Variants in NKAIN3 observed in about 807,000 individuals in gnomAD.
The protein encoded by NKAIN3 is sodium/potassium-transporting ATPase subunit beta-1-interacting protein 3.
In NKAIN3, 25 loss-of-function variants were observed where a neutral mutation model predicts 30.2. The ratio of observed to expected loss-of-function variants is 0.83; its 90% confidence interval spans 0.60 to 1.16. The LOEUF (loss-of-function observed/expected upper bound fraction) is 1.16, where lower values mean the gene tolerates loss of function less well. Among genes scored for constraint, NKAIN3 ranks in the 50% most tolerant of loss-of-function variants. The pLI, the probability that NKAIN3 is intolerant of heterozygous loss-of-function variation, is 0.00. For synonymous variants in NKAIN3, 91 were observed against 89.6 expected, an observed-to-expected ratio of 1.02 and a Z score of -0.09; for missense variants, 225 against 254.1, an observed-to-expected ratio of 0.89 and a Z score of 0.78.
chr8:62,525,200 A>AT (rs1215257634), intron 1 of NKAIN3, among the ~76,000 whole-genome samples: 2 of 152,108 alleles, frequency 1.3e-5, no homozygotes, highest in African/African-American at 4.8e-5. Flanking sequence ...AGCTGATTAC[A>AT]TTTTTTTCAA....
At chr8:62,812,550 G>T (rs1182070140) in intron 4 of NKAIN3, among the ~76,000 whole-genome samples, 1 of 151,594 alleles carries the variant, frequency 6.6e-6, no homozygotes, top group Non-Finnish European at 1.5e-5. Context: ...TTCTGTATAT[G>T]ATTCTGTGCA....
chr8:62,739,849 C>G (rs762002483), intron 3 of NKAIN3, among the ~76,000 whole-genome samples: 9 of 152,136 alleles, frequency 5.9e-5, no homozygotes, highest in Non-Finnish European at 1.0e-4. Flanking sequence ...AATCTGTAGG[C>G]TGCTCTTTAT....
At chr8:62,887,498 C>T (rs1295126336) in intron 4 of NKAIN3, among the ~76,000 whole-genome samples, 1 of 152,114 alleles carries the variant, frequency 6.6e-6, no homozygotes, top group Non-Finnish European at 1.5e-5. Flanking sequence ...TCTTATTACA[C>T]ATATTTTATA....
chr8:62,459,144 C>T (rs1373444280), intron 1 of NKAIN3, among the ~76,000 whole-genome samples: 1 of 151,884 alleles, frequency 6.6e-6, no homozygotes, highest in Non-Finnish European at 1.5e-5. Flanking sequence ...GATCATGAGG[C>T]ATCTTGATCT....
At chr8:62,645,272 A>T (rs892869293) in intron 3 of NKAIN3, among the ~76,000 whole-genome samples, 1 of 152,296 alleles carries the variant, frequency 6.6e-6, no homozygotes, top group African/African-American at 2.4e-5. Flanking sequence ...AAGCTATTGC[A>T]TGTTTATACT....
intron 1 of NKAIN3, among the ~76,000 whole-genome samples, chr8:62,273,196 T>C (rs1396597845): frequency 6.6e-6 from 1 of 152,208 alleles, no homozygotes; most frequent in Non-Finnish European, 1.5e-5. Flanking sequence ...ATTTAGTGCT[T>C]TTTAATTATG....
At chr8:62,757,415 T>C (rs1816487788) in intron 4 of NKAIN3, among the ~76,000 whole-genome samples, 1 of 152,304 alleles carries the variant, frequency 6.6e-6, no homozygotes, top group South Asian at 2.1e-4. Context: ...CAGCGAAACA[T>C]ATTCAGAAGC....
intron 4 of NKAIN3, among the ~76,000 whole-genome samples, chr8:62,913,618 T>G (rs1273167119): frequency 1.3e-5 from 2 of 152,186 alleles, no homozygotes; most frequent in African/African-American, 4.8e-5. Context: ...TTAAGAAAAC[T>G]AATGTTCACA....
At chr8:62,502,704 T>C (rs1413142007) in intron 1 of NKAIN3, among the ~76,000 whole-genome samples, 1 of 152,194 alleles carries the variant, frequency 6.6e-6, no homozygotes, top group African/African-American at 2.4e-5. Flanking sequence ...ATTTGAAATT[T>C]GTATTGTATA....
chr8:62,668,111 TACAC>T (rs5891867), intron 3 of NKAIN3, among the ~76,000 whole-genome samples: 18 of 149,122 alleles, frequency 1.2e-4, no homozygotes, highest in South Asian at 6.4e-4. Context: ...CACACACACA[TACAC>T]ACACACACAC....
chr8:62,872,528 T>G (rs898102987), intron 4 of NKAIN3, among the ~76,000 whole-genome samples: 1 of 152,244 alleles, frequency 6.6e-6, no homozygotes, highest in Non-Finnish European at 1.5e-5. Flanking sequence ...CTCTCACTGT[T>G]CATGTCCCCT....
At chr8:62,759,017 T>G (rs1776865628) in intron 4 of NKAIN3, among the ~76,000 whole-genome samples, 1 of 152,176 alleles carries the variant, frequency 6.6e-6, no homozygotes, top group South Asian at 2.1e-4. Flanking sequence ...CACTCTAGTA[T>G]TATCAGTAAA....
At chr8:62,534,857 A>G (rs1426537228) in intron 1 of NKAIN3, among the ~76,000 whole-genome samples, 1 of 40,218 alleles carries the variant, frequency 2.5e-5, no homozygotes, top group Non-Finnish European at 6.1e-5. Flanking sequence ...CATTGCATTT[A>G]TTGGTTTTTT....
At chr8:62,883,457 G>GTTGTTGTTGTTTTTTTT in intron 4 of NKAIN3, among the ~76,000 whole-genome samples, 16 of 70,230 alleles carry the variant, frequency 2.3e-4, no homozygotes, top group South Asian at 1.9e-3. Flanking sequence ...AGTTTTATGG[G>GTTGTTGTTGTTTTTTTT]TTTTTTTTTT....
chr8:62,753,958 T>C (rs1816368825), intron 4 of NKAIN3, among the ~76,000 whole-genome samples: 1 of 152,072 alleles, frequency 6.6e-6, no homozygotes, highest in African/African-American at 2.4e-5. Flanking sequence ...ATATAAAACA[T>C]GAAACAGTTT....
rs117329635 is a variant in NKAIN3 at position 62,692,840 on chromosome 8, C to G, written c.274-54092C>G. Among the ~76,000 whole-genome samples the G allele has an allele frequency of 1.4e-3, 211 of 152,272 alleles. 2 individuals are homozygous for G. In the East Asian group the frequency reaches 0.038, roughly 27 times the overall value. On this transcript the variant is annotated intron_variant, in intron 3 of 6. Transcript: ENST00000623646. Reference sequence around the variant, plus strand: ...CATTTGATGGCTGTCAGATCTATAGCCCTCCCAGATTCTGGAGAGCTGTGA... The same window carrying G: ...CATTTGATGGCTGTCAGATCTATAGGCCTCCCAGATTCTGGAGAGCTGTGA...
chr8:62,733,160 C>T (rs1815535210), intron 3 of NKAIN3, among the ~76,000 whole-genome samples: 1 of 152,128 alleles, frequency 6.6e-6, no homozygotes, highest in Admixed American at 6.5e-5. Context: ...ATTACTGCTA[C>T]CCTCCACCTA....
intron 1 of NKAIN3, among the ~76,000 whole-genome samples, chr8:62,327,752 G>A (rs1005982790): frequency 6.6e-6 from 1 of 151,676 alleles, no homozygotes; most frequent in Non-Finnish European, 1.5e-5. Context: ...TTTTTATCGC[G>A]ATTGTTTCGG....
downstream of NKAIN3, among the ~76,000 whole-genome samples, chr8:62,986,457 T>C (rs775866362): frequency 2.9e-4 from 44 of 152,202 alleles, no homozygotes; most frequent in Non-Finnish European, 6.5e-4. Context: ...CAATAAACTC[T>C]GTGTCTCATT....
Sources: gnomAD v4.1 joint callset for allele counts (sites outside exome capture counted in the v4.1 genomes callset) on GRCh38, gnomAD v4.1.1 for gene constraint, MANE v1.5 for transcripts, NCBI Gene and HGNC (gene_info 2026-07-23, HGNC 2026-07-21) for gene names.